AKAP11: variants seen among roughly 807,000 people sequenced by gnomAD.
The protein encoded by AKAP11 is A-kinase anchoring protein 11.
Under a neutral mutation model 146.1 loss-of-function variants are expected in AKAP11, and 36 were observed. That is an observed-to-expected ratio of 0.25 (90% CI 0.19 to 0.33). AKAP11 has a LOEUF of 0.33. AKAP11 is among the 10% of genes least tolerant of loss of function. The probability of loss-of-function intolerance (pLI) is 1.00; values close to 1 mark genes in which losing one functional copy is unlikely to be tolerated. For synonymous variants in AKAP11, 780 were observed against 786.5 expected, an observed-to-expected ratio of 0.99 and a Z score of 0.14; for missense variants, 2,201 against 2,197.0, an observed-to-expected ratio of 1.00 and a Z score of -0.04.
rs1277877954 is a variant in AKAP11, at chr13:42,302,709, A to G, written c.3963A>G (p.Ser1321=). The G allele has an allele frequency of 6.2e-7, 1 of 1,614,136 alleles. No homozygotes were observed. The highest frequency in any genetic ancestry group is 2.2e-5 in the East Asian group (1 of 44,876). Residue 1321 remains serine, a synonymous_variant, in exon 8 of 13, where the codon TCA becomes TCG. Coordinates refer to ENST00000025301, the MANE Select transcript of AKAP11 (RefSeq NM_016248.4). The stretch of plus-strand genomic sequence containing the variant: ...GAGAAGTGGATCCGTTTATTCTTTC[A>G]TTACCACCAAGTTCTTGTATGTCAG... ...HPREVDPFIL[S]LPPSSCMSGL... is the part of the protein sequence containing the mutation.
At position 42,302,651 on chromosome 13, in the gene AKAP11, A is replaced by C. The variant is rs757070050; in HGVS notation, c.3905A>C (p.Glu1302Ala). The change falls in exon 8 of 13, where the codon GAG (glutamate) becomes GCG (alanine). Residue 1302 changes from glutamate (E) to alanine (A), a missense_variant. By Grantham distance (107) the Glu-to-Ala change is moderately radical. Coordinates refer to ENST00000025301, the MANE Select transcript of AKAP11 (RefSeq NM_016248.4). ...ADGDEDYKVE[E>A]KLDIEAVVHP... Reference sequence around the variant, plus strand: ...GGTGACGAAGATTATAAAGTAGAAGAGAAGTTGGATATAGAGGCTGTAGTG... The same window carrying C: ...GGTGACGAAGATTATAAAGTAGAAGCGAAGTTGGATATAGAGGCTGTAGTG... 1 of 1,614,182 alleles carries C rather than the reference A, an allele frequency of 6.2e-7. No homozygotes were observed. The highest frequency in any genetic ancestry group is 1.7e-5 in the Admixed American group (1 of 60,018).
chr13:42,302,825 G>T lies in AKAP11; in HGVS notation c.4079G>T (p.Ser1360Ile), dbSNP rs1163098424. The change falls in exon 8 of 13, where the codon AGT (serine) becomes ATT (isoleucine). Residue 1360 changes from serine to isoleucine, a missense_variant. Ser to Ile is a moderately radical substitution (Grantham distance 142). Around this residue, in one of 3 missense-constraint regions of AKAP11, gnomAD observed 1,867 missense variants for 1,833.5 expected, o/e 1.02. Transcript: ENST00000025301. Reference protein sequence around the residue: ...IQILKQEGGNSELIMDQYANR... With the variant: ...IQILKQEGGNIELIMDQYANR... ...ATACTAAAACAGGAAGGTGGTAATA[G>T]TGAGTTGATAATGGATCAGTATGCC... is the stretch of plus-strand genomic sequence containing the variant. 6.2e-7 allele frequency: 1 copy of T among 1,614,118 alleles called. No homozygotes were observed. The highest frequency in any genetic ancestry group is 8.5e-7 in the Non-Finnish European group (1 of 1,180,012).
chr13:42,303,279 T>A lies in AKAP11; in HGVS notation c.4533T>A (p.Leu1511=). ...CHVTPELPKS[L]QPSSQNHRFY... Reference sequence around the variant, plus strand: ...TTACACCAGAATTGCCTAAGTCTCTTCAGCCTTCCTCACAAAATCACAGGT... The same window carrying A: ...TTACACCAGAATTGCCTAAGTCTCTACAGCCTTCCTCACAAAATCACAGGT... The change falls in exon 8 of 13, where the codon CTT becomes CTA. Residue 1511 remains leucine, a synonymous_variant. Transcript: ENST00000025301. 6.2e-7 allele frequency: 1 copy of A among 1,613,276 alleles called. No individual in the cohort carries two copies. The highest frequency in any genetic ancestry group is 8.5e-7 in the Non-Finnish European group (1 of 1,180,028).
chr13:42,298,845 T>G (rs561253674), intron 7 of AKAP11, 48 bp downstream of exon 7: 2 of 1,525,678 alleles, frequency 1.3e-6, no homozygotes, highest in South Asian at 2.7e-5. Context: ...TTAAAATTTT[T>G]CAGTTTTGAA....
chr13:42,301,548 T>G lies in AKAP11; in HGVS notation c.2802T>G (p.Asn934Lys). The G allele has an allele frequency of 6.2e-7, 1 of 1,614,118 alleles. No homozygotes were observed. The highest frequency in any genetic ancestry group is 8.5e-7 in the Non-Finnish European group (1 of 1,179,972). ...TGCAATGCAGTGAAGCTAGTAGCAA[T>G]AAGGACATGTTTGCTGACCGGTTAT... ...AVLQCSEASS[N>K]KDMFADRLSK... is the part of the protein sequence containing the mutation. Residue 934 changes from asparagine to lysine, a missense_variant, in exon 8 of 13, where the codon AAT (asparagine) becomes AAG (lysine). Physicochemically the swap from Asn to Lys is moderately conservative, Grantham distance 94. Coordinates refer to ENST00000025301, the MANE Select transcript of AKAP11 (RefSeq NM_016248.4).
intron 1 of AKAP11, among the ~76,000 whole-genome samples, chr13:42,276,132 G>T (rs1225932245): frequency 6.6e-6 from 1 of 152,168 alleles, no homozygotes; most frequent in South Asian, 2.1e-4. Context: ...TTTCCCAGTC[G>T]CTGAGACCAG....
rs116959577 is a variant in AKAP11, at chr13:42,320,131, T to C, written c.*903T>C. On this transcript the variant is annotated 3_prime_UTR_variant, in exon 13 of 13. Transcript: ENST00000025301. ...TTGACAATTTTGGGTTCCCAACTTA[T>C]CTTACAAGTGAAAACTTAAATTGTA... 561 of 152,824 alleles carry C rather than the reference T, an allele frequency of 3.7e-3. No individual in the cohort carries two copies. Among genetic ancestry groups the C allele is most frequent in the South Asian group, 8.5e-3 (41 of 4,830 alleles). The allele number at this position is 152,824 out of a possible 1,614,324, so 9.5% of individuals were successfully genotyped here.
Position 42,302,802 on chromosome 13 carries a change from A to G in AKAP11, c.4056A>G (p.Ile1352Met), listed in dbSNP as rs370055807. 5.0e-5 allele frequency: 81 copies of G among 1,614,040 alleles called. No individual in the cohort carries two copies. The Middle Eastern group carries it at 6.6e-4, about 13-fold the overall frequency. The stretch of plus-strand genomic sequence containing the variant: ...AATATGCAGGTCACCTTATTCAGAT[A>G]CTAAAACAGGAAGGTGGTAATAGTG... ...TDEYAGHLIQ[I>M]LKQEGGNSEL... The change falls in exon 8 of 13, where the codon ATA (isoleucine) becomes ATG (methionine). Residue 1352 changes from isoleucine to methionine, a missense_variant. Ile to Met is a conservative substitution (Grantham distance 10). Coordinates refer to ENST00000025301, the MANE Select transcript of AKAP11 (RefSeq NM_016248.4).
At chr13:42,273,636 T>C (rs1958836233) in intron 1 of AKAP11, among the ~76,000 whole-genome samples, 1 of 152,074 alleles carries the variant, frequency 6.6e-6, no homozygotes, top group African/African-American at 2.4e-5. Context: ...GCCAGTGATA[T>C]TTTGCAGTTG....
rs1162130531 is a variant in AKAP11, at chr13:42,299,404, T to C, written c.658T>C (p.Ser220Pro). ...GCTAAGGAGCCAGTGTGATGCTGCT[T>C]CCCAGACGGTTACTGGTCATCATTT... ...TVLRSQCDAA[S>P]QTVTGHHLET... is the part of the protein sequence containing the mutation. The change falls in exon 8 of 13, where the codon TCC becomes CCC. Residue 220 changes from serine (S) to proline (P), a missense_variant. This residue lies in a region of AKAP11 where 331 missense variants were observed against 347.4 expected (regional missense o/e 0.95). Transcript: ENST00000025301. 2 of 1,613,680 alleles carry C rather than the reference T, an allele frequency of 1.2e-6. No homozygotes were observed. Among genetic ancestry groups the C allele is most frequent in the East Asian group, 2.2e-5 (1 of 44,894 alleles).
chr13:42,302,610 C>A lies in AKAP11; in HGVS notation c.3864C>A (p.Asn1288Lys), dbSNP rs772732939. 2 of 1,614,066 alleles carry A rather than the reference C, an allele frequency of 1.2e-6. No individual in the cohort carries two copies. The highest frequency in any genetic ancestry group is 4.5e-5 in the East Asian group (2 of 44,874). The change falls in exon 8 of 13, where the codon AAC becomes AAA. Residue 1288 changes from asparagine to lysine, a missense_variant. By Grantham distance (94) the Asn-to-Lys change is moderately conservative (BLOSUM62 0). Coordinates refer to ENST00000025301, the MANE Select transcript of AKAP11 (RefSeq NM_016248.4). ...RNCMLFKQKK[N>K]SCYADGDEDY... Reference sequence around the variant, plus strand: ...GTATGCTTTTCAAGCAAAAGAAGAACAGTTGTTATGCTGATGGTGACGAAG... The same window carrying A: ...GTATGCTTTTCAAGCAAAAGAAGAAAAGTTGTTATGCTGATGGTGACGAAG...
chr13:42,293,818 A>G (rs7994365), intron 4 of AKAP11, among the ~76,000 whole-genome samples: 81,728 of 152,064 alleles, frequency 0.54, 22,196 homozygotes, highest in East Asian at 0.63. Flanking sequence ...TTGAAGGAAT[A>G]GATGGAATTT....
chr13:42,305,158 A>G lies in AKAP11; in HGVS notation c.5117+1295A>G, dbSNP rs17646676. ...ACTTGTGTTATTAGTTGATAGGATG[A>G]TATTTGTAAGTCCTGCTTGAAAGAG... On this transcript the variant is annotated intron_variant, in intron 8 of 12. Transcript: ENST00000025301. Among the ~76,000 whole-genome samples, 676 of 152,320 alleles carry G rather than the reference A, an allele frequency of 4.4e-3. 14 individuals are homozygous for G. The East Asian group carries it at 0.046, about 10-fold the overall frequency.
At chr13:42,279,369 CACTT>C (rs771963835) in intron 1 of AKAP11, among the ~76,000 whole-genome samples, 7 of 152,214 alleles carry the variant, frequency 4.6e-5, no homozygotes, top group Non-Finnish European at 1.0e-4. Context: ...CTTAAAAAGT[CACTT>C]ACACTCTACG....
In AKAP11 at chr13:42,300,320, CTG is replaced by C; in HGVS notation, c.1576_1577del (p.Val526AsnfsTer3). 1.9e-6 allele frequency: 3 copies of C among 1,611,312 alleles called. No homozygotes were observed. The highest frequency in any genetic ancestry group is 2.5e-6 in the Non-Finnish European group (3 of 1,178,954). On this transcript the variant is annotated frameshift_variant, in exon 8 of 13. Coordinates refer to ENST00000025301, the MANE Select transcript of AKAP11 (RefSeq NM_016248.4). LOFTEE classifies it high-confidence loss of function. The stretch of plus-strand genomic sequence containing the variant: ...AGTATTAAACATGGAGAAAATAAAA[CTG>C]TAACTTTTAAGCATGGAAACCTTGA...
Position 42,303,669 on chromosome 13 carries a change from T to C in AKAP11, c.4923T>C (p.His1641=), listed in dbSNP as rs772457774. The part of the protein sequence containing the change: ...RIFHLSVPQI[H]VNLDKKAVLA... ...TTCATCTCAGTGTCCCTCAGATTCATGTTAATCTTGATAAGAAGGCAGTGC... is the reference window on the plus strand; with the variant it reads ...TTCATCTCAGTGTCCCTCAGATTCACGTTAATCTTGATAAGAAGGCAGTGC... Residue 1641 remains histidine, a synonymous_variant, in exon 8 of 13, where the codon CAT becomes CAC. Transcript: ENST00000025301. 6.2e-7 allele frequency: 1 copy of C among 1,614,176 alleles called. No individual in the cohort carries two copies. Among genetic ancestry groups the C allele is most frequent in the South Asian group, 1.1e-5 (1 of 91,084 alleles).
chr13:42,281,878 C>A (rs1959067365), intron 1 of AKAP11, among the ~76,000 whole-genome samples: 1 of 151,996 alleles, frequency 6.6e-6, no homozygotes, highest in Non-Finnish European at 1.5e-5. Context: ...CATGGGTGAC[C>A]ACTGGCATCA....
chr13:42,272,418 G>A lies in AKAP11; in HGVS notation c.-100+190G>A, dbSNP rs77085139. Among the ~76,000 whole-genome samples the A allele has an allele frequency of 8.4e-3, 1,282 of 152,306 alleles. 13 individuals carry two copies. Among genetic ancestry groups the A allele is most frequent in the Middle Eastern group, 0.048 (14 of 294 alleles). On this transcript the variant is annotated intron_variant, in intron 1 of 12. Coordinates refer to ENST00000025301, the MANE Select transcript of AKAP11 (RefSeq NM_016248.4). ...CATGGCGGAGGGAGGAGGGCGGGAG[G>A]AGCGCGGCCGAAGGAGGAAACTCAC... is the stretch of plus-strand genomic sequence containing the variant.
chr13:42,292,177 G>A (rs755331092), intron 3 of AKAP11, among the ~76,000 whole-genome samples: 16 of 152,166 alleles, frequency 1.1e-4, no homozygotes, highest in African/African-American at 1.7e-4. Context: ...CCAGTAGTAT[G>A]TGTTTTGGGC....
Sources: gnomAD v4.1 joint callset for allele counts (sites outside exome capture counted in the v4.1 genomes callset) on GRCh38, gnomAD v4.1.1 for gene constraint, gnomAD v4.1.1 regional missense constraint, MANE v1.5 for transcripts, NCBI Gene and HGNC (gene_info 2026-07-23, HGNC 2026-07-21) for gene names.